Variants in PGR observed in about 807,000 individuals in gnomAD.
PGR encodes the protein nuclear receptor subfamily 3 group C member 3.
In PGR, 25 loss-of-function variants were observed where a neutral mutation model predicts 76.1. The observed-to-expected ratio is 0.33, with a 90% CI of 0.24 to 0.46. PGR has a LOEUF of 0.46. Among genes scored for constraint, PGR ranks in the 20% least tolerant of loss-of-function variants. The pLI is 1.00. For missense variants in PGR, 1,172 were observed against 1,225.3 expected, an observed-to-expected ratio of 0.96 and a Z score of 0.65; for synonymous variants, 579 against 535.0, an observed-to-expected ratio of 1.08 and a Z score of -1.14.
chr11:101,062,669 T>C lies in PGR; in HGVS notation c.1990A>G (p.Asn664Asp). ...CTCTGGCTTAGGGCTTGGCTTTCAT[T>C]TGGAACGCCCACTGGCTGTGGGAGA... is the stretch of plus-strand genomic sequence containing the variant. ...VALPQPVGVP[N>D]ESQALSQRFT... Residue 664 changes from asparagine (N) to aspartate (D), a missense_variant, in exon 4 of 8, where the codon AAT (asparagine) becomes GAT (aspartate). Physicochemically the swap from Asn to Asp is conservative, Grantham distance 23. Transcript: ENST00000325455. The C allele has an allele frequency of 6.2e-7, 1 of 1,613,942 alleles. No individual in the cohort carries two copies. The highest frequency in any genetic ancestry group is 2.2e-5 in the East Asian group (1 of 44,856).
chr11:101,064,109 T>C (rs1860613916), intron 3 of PGR: 1 of 152,032 alleles, frequency 6.6e-6, no homozygotes, highest in Non-Finnish European at 1.5e-5. Context: ...GGTGGGCAGA[T>C]TACCTGAGGT....
In PGR at chr11:101,106,982, T is replaced by C. The variant is rs145538786; in HGVS notation, c.1790-15106A>G. Among the ~76,000 whole-genome samples, 16 of 152,242 alleles carry C rather than the reference T, an allele frequency of 1.1e-4. No homozygotes were observed. The East Asian group carries it at 2.3e-3, about 22-fold the overall frequency. ...CAAGAACAGAAAACCAAACACCGCA[T>C]TGTCTCACTGATAAGTGGGAGTTGA... On this transcript the variant is annotated intron_variant, in intron 2 of 7. Transcript: ENST00000325455.
intron 3 of PGR, 66 bp from the exon 4 acceptor site, chr11:101,062,818 A>G: frequency 3.6e-6 from 4 of 1,106,726 alleles, no homozygotes; most frequent in Non-Finnish European, 5.2e-6. Context: ...GTATAGTATT[A>G]TTTTTCCTAA....
At chr11:101,068,140 T>A (rs948318917) in intron 3 of PGR, among the ~76,000 whole-genome samples, 36 of 152,274 alleles carry the variant, frequency 2.4e-4, no homozygotes, top group Non-Finnish European at 3.7e-4. Context: ...TGCATTTTTT[T>A]ATGAATAAAA....
chr11:101,088,535 T>G (rs1861570676), intron 3 of PGR, among the ~76,000 whole-genome samples: 1 of 152,108 alleles, frequency 6.6e-6, no homozygotes, highest in Admixed American at 6.5e-5. Context: ...GGTTTCACTG[T>G]GTTAGCCAGG....
chr11:101,055,994 T>C (rs1180519175), intron 4 of PGR, among the ~76,000 whole-genome samples: 1 of 152,196 alleles, frequency 6.6e-6, no homozygotes, highest in Admixed American at 6.5e-5. Context: ...ACAGTGCTTA[T>C]CTGTGATAAA....
intron 6 of PGR, among the ~76,000 whole-genome samples, chr11:101,042,468 A>T (rs956402020): frequency 6.6e-6 from 1 of 152,042 alleles, no homozygotes; most frequent in Non-Finnish European, 1.5e-5. Flanking sequence ...TGTAATCTGG[A>T]TCTTTTTTTT....
intron 4 of PGR, among the ~76,000 whole-genome samples, 183 bp downstream of exon 4, chr11:101,062,264 T>G (rs1380479353): frequency 6.6e-6 from 1 of 152,210 alleles, no homozygotes; most frequent in Non-Finnish European, 1.5e-5. Context: ...CTCTAATTTT[T>G]TATATTTCTG....
chr11:101,099,277 A>T (rs558050407), intron 2 of PGR, among the ~76,000 whole-genome samples: 32 of 152,212 alleles, frequency 2.1e-4, no homozygotes, highest in Admixed American at 1.7e-3. Flanking sequence ...GATGAACTAC[A>T]TAAGTATAAT....
At chr11:101,125,285 C>A (rs1862803590) in intron 2 of PGR, among the ~76,000 whole-genome samples, 1 of 150,592 alleles carries the variant, frequency 6.6e-6, no homozygotes, top group African/African-American at 2.4e-5. Flanking sequence ...AAACACTATG[C>A]AAGTAAATCT....
At chr11:101,099,414 AG>A (rs1252295793) in intron 2 of PGR, among the ~76,000 whole-genome samples, 2 of 152,198 alleles carry the variant, frequency 1.3e-5, no homozygotes, top group African/African-American at 2.4e-5. Flanking sequence ...AATGATTGGA[AG>A]GGGCAAAATG....
At chr11:101,048,709 T>C (rs952922066) in intron 6 of PGR, among the ~76,000 whole-genome samples, 4 of 152,188 alleles carry the variant, frequency 2.6e-5, no homozygotes, top group Non-Finnish European at 4.4e-5. Flanking sequence ...TGTGAAGGCC[T>C]AGGACATTAC....
intron 3 of PGR, chr11:101,064,137 C>G (rs1297033569): frequency 6.6e-6 from 1 of 151,856 alleles, no homozygotes; most frequent in African/African-American, 2.4e-5. Context: ...TCGAGACCAG[C>G]CTGGCCAACA....
In PGR at chr11:101,049,918, AACTC is replaced by A. The variant is rs1161183637; in HGVS notation, c.2488+7_2488+10del. On this transcript the variant is annotated splice_region_variant and intron_variant, in intron 6 of 7. Coordinates refer to ENST00000325455, the MANE Select transcript of PGR (RefSeq NM_000926.4). ...TAGATATCTTGCATTAAGTTACTTG[AACTC>A]ACTCACTTGTATTAAGAAGTAACAA... The A allele has an allele frequency of 3.1e-6, 5 of 1,608,140 alleles. No individual in the cohort carries two copies. Among genetic ancestry groups the A allele is most frequent in the East Asian group, 2.2e-5 (1 of 44,704 alleles).
At chr11:101,048,048 A>C (rs972289831) in intron 6 of PGR, among the ~76,000 whole-genome samples, 3 of 152,074 alleles carry the variant, frequency 2.0e-5, no homozygotes, top group African/African-American at 7.2e-5. Context: ...AGCCTTCAAA[A>C]TCTCTCTCAC....
intron 6 of PGR, among the ~76,000 whole-genome samples, chr11:101,042,478 T>C (rs186882809): frequency 2.6e-5 from 4 of 152,274 alleles, no homozygotes; most frequent in East Asian, 1.9e-4. Flanking sequence ...ATCTTTTTTT[T>C]CCCTTCTTTT....
At chr11:101,057,730 G>C (rs1395516481) in intron 4 of PGR, among the ~76,000 whole-genome samples, 3 of 152,096 alleles carry the variant, frequency 2.0e-5, no homozygotes, top group Admixed American at 1.3e-4. Context: ...TGGGTAAGGG[G>C]TGAAGGAGAA....
chr11:101,100,726 C>T (rs959930105), intron 2 of PGR, among the ~76,000 whole-genome samples: 1 of 152,062 alleles, frequency 6.6e-6, no homozygotes, highest in Admixed American at 6.5e-5. Context: ...CAATTTTGCT[C>T]CCTTCCTCAC....
At position 101,074,444 on chromosome 11, in the gene PGR, G is replaced by A. The variant is rs544876531; in HGVS notation, c.1907-11692C>T. ...GACAGGGATGTCCTTTCCCACCACTGCTATTAAACATAGTAGTGGAAGTTC... is the reference window on the plus strand; with the variant it reads ...GACAGGGATGTCCTTTCCCACCACTACTATTAAACATAGTAGTGGAAGTTC... On this transcript the variant is annotated intron_variant, in intron 3 of 7. Coordinates refer to ENST00000325455, the MANE Select transcript of PGR (RefSeq NM_000926.4). Among the ~76,000 whole-genome samples the A allele has an allele frequency of 5.1e-4, 77 of 152,148 alleles. No homozygotes were observed. In the South Asian group the frequency reaches 0.016, roughly 31 times the overall value.
Sources: gnomAD v4.1 joint callset for allele counts (sites outside exome capture counted in the v4.1 genomes callset) on GRCh38, gnomAD v4.1.1 for gene constraint, MANE v1.5 for transcripts, NCBI Gene and HGNC (gene_info 2026-07-23, HGNC 2026-07-21) for gene names.